The following MTR variants were observed in gnomAD, a reference collection of about 807,000 sequenced individuals.
The protein encoded by MTR is 5-methyltetrahydrofolate-homocysteine methyltransferase.
MTR carries 84 observed loss-of-function variants against 154.8 expected under a neutral mutation model. That is an observed-to-expected ratio of 0.54 (90% CI 0.45 to 0.65). MTR has a LOEUF of 0.65. MTR is among the 30% of genes least tolerant of loss of function. MTR has a pLI of 0.00. For synonymous variants in MTR, 554 were observed against 553.9 expected (o/e 1.00, Z 0.00); for missense variants, 1,275 against 1,570.2 (o/e 0.81, Z 3.18).
intron 22 of MTR, among the ~76,000 whole-genome samples, chr1:236,871,812 A>T (rs1665149802): frequency 6.6e-6 from 1 of 152,152 alleles, no homozygotes; most frequent in Non-Finnish European, 1.5e-5. Context: ...CTTACTTTTT[A>T]CTGAAGATTC....
At chr1:236,888,681 C>T (rs568787547) in intron 27 of MTR, among the ~76,000 whole-genome samples, 8 of 152,310 alleles carry the variant, frequency 5.3e-5, no homozygotes, top group African/African-American at 1.9e-4. Flanking sequence ...TGTGTCCCTT[C>T]CTCCCCTGCA....
At chr1:236,806,329 A>G (rs1572186133) in intron 3 of MTR, 96 bp downstream of exon 3, 6 of 943,416 alleles carry the variant, frequency 6.4e-6, no homozygotes, top group South Asian at 5.3e-5. Flanking sequence ...TGCAGAGTCA[A>G]GCTAATGCCT....
intron 27 of MTR, among the ~76,000 whole-genome samples, chr1:236,887,777 G>A (rs1174169654): frequency 6.6e-6 from 1 of 152,230 alleles, no homozygotes; most frequent in Non-Finnish European, 1.5e-5. Context: ...GCAGGAAGTC[G>A]GTAGGGAATA....
intron 12 of MTR, 60 bp downstream of exon 12, chr1:236,829,328 C>T (rs1662478577): frequency 2.2e-6 from 3 of 1,376,188 alleles, no homozygotes; most frequent in Non-Finnish European, 3.1e-6. Flanking sequence ...TGTGAGTATT[C>T]TAAGTGGTAG....
intron 14 of MTR, among the ~76,000 whole-genome samples, chr1:236,837,855 A>G (rs1662998517): frequency 6.6e-6 from 1 of 152,220 alleles, no homozygotes; most frequent in Non-Finnish European, 1.5e-5. Context: ...AAAGGAACCT[A>G]TTCTCAACTG....
At chr1:236,897,310 G>GCGTGCGCGCGCACACACACA in intron 32 of MTR, among the ~76,000 whole-genome samples, 192 bp downstream of exon 32, 1 of 128,682 alleles carries the variant, frequency 7.8e-6, no homozygotes, top group Admixed American at 7.6e-5. Context: ...CCACACACAC[G>GCGTGCGCGCGCACACACACA]CACACACACA....
chr1:236,900,457 C>T lies in MTR; in HGVS notation c.*2813C>T, dbSNP rs1666870514. Reference sequence around the variant, plus strand: ...AAACCAAAATTGAGCATAGTAATTACCCACAGAAGGAGGAAGTGGAAGGGA... The same window carrying T: ...AAACCAAAATTGAGCATAGTAATTATCCACAGAAGGAGGAAGTGGAAGGGA... On this transcript the variant is annotated 3_prime_UTR_variant, in exon 33 of 33. Transcript: ENST00000366577. 6.3e-6 allele frequency: 1 copy of T among 158,692 alleles called. No homozygotes were observed. Among genetic ancestry groups the T allele is most frequent in the Non-Finnish European group, 1.4e-5 (1 of 72,236 alleles). The allele number at this position is 158,692 out of a possible 1,614,324, so 9.8% of individuals were successfully genotyped here.
chr1:236,800,139 A>G (rs1022429098), intron 1 of MTR: 1 of 985,400 alleles, frequency 1.0e-6, no homozygotes, highest in East Asian at 1.1e-4. Flanking sequence ...AGGCACTCTG[A>G]GTGGTTAGAT....
intron 24 of MTR, among the ~76,000 whole-genome samples, chr1:236,879,870 T>C (rs1665629397): frequency 6.6e-6 from 1 of 151,980 alleles, no homozygotes. Flanking sequence ...AAGTAAAATA[T>C]TGGCCAGGCA....
chr1:236,897,310 G>GCGCGCGCGCGCGCGCGCGCACA, intron 32 of MTR, among the ~76,000 whole-genome samples, 192 bp downstream of exon 32: 47 of 128,666 alleles, frequency 3.7e-4, no homozygotes, highest in Non-Finnish European at 6.2e-4. Flanking sequence ...CCACACACAC[G>GCGCGCGCGCGCGCGCGCGCACA]CACACACACA....
At chr1:236,847,852 T>C (rs930635211) in intron 15 of MTR, among the ~76,000 whole-genome samples, 2 of 152,216 alleles carry the variant, frequency 1.3e-5, no homozygotes, top group African/African-American at 4.8e-5. Context: ...CATTCCGTTG[T>C]TTTACTGAAC....
At position 236,795,372 on chromosome 1, in the gene MTR, T is replaced by G; in HGVS notation, c.-332T>G. The G allele has an allele frequency of 7.2e-7, 1 of 1,380,078 alleles. No homozygotes were observed. Among genetic ancestry groups the G allele is most frequent in the Non-Finnish European group, 9.5e-7 (1 of 1,047,444 alleles). 85.5% of individuals were successfully genotyped at this position (1,380,078 alleles called of 1,614,324 possible). A position where few individuals can be genotyped will look rare whatever the true frequency, so the allele number is the denominator to read the frequency against. On this transcript the variant is annotated 5_prime_UTR_variant, in exon 1 of 33. Coordinates refer to ENST00000366577, the MANE Select transcript of MTR (RefSeq NM_000254.3). ...TCACGTCGTCCTCCTCTGCCGGTTTTCTCTTGGGTCCTTTTCCGTGCCGTC... is the reference window on the plus strand; with the variant it reads ...TCACGTCGTCCTCCTCTGCCGGTTTGCTCTTGGGTCCTTTTCCGTGCCGTC...
chr1:236,801,672 A>C (rs1572178952), intron 1 of MTR, among the ~76,000 whole-genome samples: 1 of 152,238 alleles, frequency 6.6e-6, no homozygotes, highest in Admixed American at 6.5e-5. Flanking sequence ...CATGAGTTCC[A>C]AGGAGCTCAG....
In MTR at chr1:236,899,314, C is replaced by G. The variant is rs766002859; in HGVS notation, c.*1670C>G. The stretch of plus-strand genomic sequence containing the variant: ...TTATTGTCAAGACAGTGTCATGGTG[C>G]AGAGGTAGGCATTCTGAGCAGGGGA... On this transcript the variant is annotated 3_prime_UTR_variant, in exon 33 of 33. Coordinates refer to ENST00000366577, the MANE Select transcript of MTR (RefSeq NM_000254.3). 1 of 152,102 alleles carries G rather than the reference C, an allele frequency of 6.6e-6. No homozygotes were observed. Among genetic ancestry groups the G allele is most frequent in the Non-Finnish European group, 1.5e-5 (1 of 68,018 alleles). 9.4% of individuals were successfully genotyped at this position (152,102 alleles called of 1,614,324 possible). A position where few individuals can be genotyped will look rare whatever the true frequency, so the allele number is the denominator to read the frequency against.
chr1:236,872,823 T>A (rs1369236030), intron 22 of MTR, among the ~76,000 whole-genome samples: 1 of 152,126 alleles, frequency 6.6e-6, no homozygotes, highest in Non-Finnish European at 1.5e-5. Flanking sequence ...CTGGGCAACA[T>A]AGGGAAACCC....
At chr1:236,896,937 G>A (rs1341345626) in intron 31 of MTR, 69 bp from the exon 32 acceptor site, 2 of 1,116,936 alleles carry the variant, frequency 1.8e-6, no homozygotes, top group South Asian at 1.2e-5. Flanking sequence ...TTCATTGAGT[G>A]CCTGCTAGCT....
intron 31 of MTR, among the ~76,000 whole-genome samples, chr1:236,896,341 A>G (rs1666622386): frequency 6.6e-6 from 1 of 152,256 alleles, no homozygotes; most frequent in African/African-American, 2.4e-5. Context: ...GTGAGAAACC[A>G]TGAGCTGTGC....
chr1:236,846,485 G>A (rs1196559250), intron 15 of MTR, among the ~76,000 whole-genome samples: 2 of 152,038 alleles, frequency 1.3e-5, no homozygotes, highest in Non-Finnish European at 2.9e-5. Flanking sequence ...TCATTTTCTT[G>A]TTTTAAAATG....
rs1431359741 is a variant in MTR, at chr1:236,815,595, C to G, written c.610-9C>G. The G allele has an allele frequency of 6.2e-7, 1 of 1,613,590 alleles. No individual in the cohort carries two copies. Among genetic ancestry groups the G allele is most frequent in the Non-Finnish European group, 8.5e-7 (1 of 1,179,754 alleles). ...GAAATAAAGACGTTCTTTCTTTTTTCCCTGACAGGCAGCCTTGTTTGCACT... is the reference window on the plus strand; with the variant it reads ...GAAATAAAGACGTTCTTTCTTTTTTGCCTGACAGGCAGCCTTGTTTGCACT... On this transcript the variant is annotated splice_polypyrimidine_tract_variant and intron_variant, in intron 6 of 32. Transcript: ENST00000366577.
Sources: gnomAD v4.1 joint callset for allele counts (sites outside exome capture counted in the v4.1 genomes callset) on GRCh38, gnomAD v4.1.1 for gene constraint, MANE v1.5 for transcripts, NCBI Gene and HGNC (gene_info 2026-07-23, HGNC 2026-07-21) for gene names.